The following ANAPC4 variants were observed in gnomAD, a reference collection of about 807,000 sequenced individuals.
The protein encoded by ANAPC4 is anaphase-promoting complex subunit 4.
In ANAPC4, 63 loss-of-function variants were observed where a neutral mutation model predicts 119.8. The ratio of observed to expected loss-of-function variants is 0.53; its 90% CI spans 0.43 to 0.65. The LOEUF (loss-of-function observed/expected upper bound fraction) is 0.65. Ranked by LOEUF, ANAPC4 falls within the 30% of genes least tolerant of loss-of-function variation. ANAPC4 has a pLI of 0.00. For missense variants in ANAPC4, 716 were observed against 945.1 expected, an observed-to-expected ratio of 0.76 and a Z score of 3.18; for synonymous variants, 283 against 318.6, an observed-to-expected ratio of 0.89 and a Z score of 1.19.
chr4:25,414,659 TTA>T lies in ANAPC4; in HGVS notation c.1788_1789del (p.Tyr596Ter), dbSNP rs1476440537. ...TTTTTACTATTCTAGAAGATTCACTTTATAAAATGTGCATCTTAAGGAGACAT... is the reference window on the plus strand; with the variant it reads ...TTTTTACTATTCTAGAAGATTCACTTTAAAATGTGCATCTTAAGGAGACAT... ...LLFTILEDSL[Y>X]KMCILRRHTD... On this transcript the variant is annotated frameshift_variant, in exon 25 of 29. Transcript: ENST00000315368. LOFTEE classifies it high-confidence loss of function. 3 of 1,549,836 alleles carry T rather than the reference TTA, an allele frequency of 1.9e-6. No homozygotes were observed. The highest frequency in any genetic ancestry group is 2.6e-6 in the Non-Finnish European group (3 of 1,139,620).
Position 25,418,409 on chromosome 4 carries a change from A to G in ANAPC4, c.*27A>G. On this transcript the variant is annotated 3_prime_UTR_variant, in exon 29 of 29. Coordinates refer to ENST00000315368, the MANE Select transcript of ANAPC4 (RefSeq NM_013367.3). ...CTAGCTTGCCATTATTGTGTGTGTA[A>G]TTATGGCCAAAAGGACATAGGAGAT... 9 of 1,602,682 alleles carry G rather than the reference A, an allele frequency of 5.6e-6. No individual in the cohort carries two copies. The highest frequency in any genetic ancestry group is 1.7e-4 in the Middle Eastern group (1 of 6,018).
intron 21 of ANAPC4, among the ~76,000 whole-genome samples, chr4:25,411,410 CCTAATGGAACTCA>C (rs2109142728): frequency 6.6e-6 from 1 of 152,276 alleles, no homozygotes; most frequent in South Asian, 2.1e-4. Context: ...TAGCTACAGA[CCTAATGGAACTCA>C]CTATTGAGTT....
chr4:25,397,775 A>G (rs1722740055), intron 16 of ANAPC4, among the ~76,000 whole-genome samples: 1 of 150,538 alleles, frequency 6.6e-6, no homozygotes, highest in Non-Finnish European at 1.5e-5. Flanking sequence ...AAAAAGCTGT[A>G]AAAGCATTAC....
Position 25,377,278 on chromosome 4 carries a change from C to A in ANAPC4, c.-77C>A. The A allele has an allele frequency of 8.9e-7, 1 of 1,118,892 alleles. No homozygotes were observed. The highest frequency in any genetic ancestry group is 1.2e-6 in the Non-Finnish European group (1 of 819,238). 69.3% of individuals were successfully genotyped at this position (1,118,892 alleles called of 1,614,324 possible). Reference sequence around the variant, plus strand: ...GCGGGGCGGCCTGGAGGCTGTGGCGCGCGGCCGGCAGAGGGAGGGGAGAGG... The same window carrying A: ...GCGGGGCGGCCTGGAGGCTGTGGCGAGCGGCCGGCAGAGGGAGGGGAGAGG... On this transcript the variant is annotated 5_prime_UTR_variant, in exon 1 of 29. Transcript: ENST00000315368.
At chr4:25,417,418 G>A (rs545879992) in intron 27 of ANAPC4, 198 bp from the exon 28 acceptor site, 35 of 476,580 alleles carry the variant, frequency 7.3e-5, no homozygotes, top group African/African-American at 5.0e-4. Flanking sequence ...ACTGTGCCTA[G>A]CCAGAATATA....
chr4:25,394,768 T>G, intron 13 of ANAPC4, 55 bp downstream of exon 13: 3 of 1,595,356 alleles, frequency 1.9e-6, no homozygotes, highest in Non-Finnish European at 2.6e-6. Context: ...CTTAATTTTT[T>G]TTTTCGAGTG....
intron 25 of ANAPC4, 25 bp from the exon 26 acceptor site, chr4:25,415,440 CT>C (rs766721339): frequency 1.7e-5 from 27 of 1,591,130 alleles, no homozygotes; most frequent in South Asian, 4.5e-5. Context: ...CACAGAGTCT[CT>C]TTTTTTCCCC....
intron 3 of ANAPC4, 59 bp from the exon 4 acceptor site, chr4:25,383,202 C>A: frequency 6.9e-7 from 1 of 1,447,262 alleles, no homozygotes; most frequent in Admixed American, 2.3e-5. Flanking sequence ...AAGGGAAATA[C>A]CCATTTATTT....
rs1721456252 is a variant in ANAPC4 at position 25,377,348 on chromosome 4, C to T, written c.-11+4C>T. On this transcript the variant is annotated splice_donor_region_variant and intron_variant, in intron 1 of 28. Coordinates refer to ENST00000315368, the MANE Select transcript of ANAPC4 (RefSeq NM_013367.3). ...CTGCCGGTGGGGACTCTTGCAGGTA[C>T]AGGCGCGGTCGGGGCTCCTCGTGGA... 3.8e-6 allele frequency: 6 copies of T among 1,573,756 alleles called. No homozygotes were observed. In the East Asian group the frequency reaches 1.1e-4, roughly 30 times the overall value.
Position 25,402,886 on chromosome 4 carries a change from TATG to T in ANAPC4, c.1215-82_1215-80del, listed in dbSNP as rs539707616. On this transcript the variant is annotated intron_variant, in intron 16 of 28. Transcript: ENST00000315368. Reference sequence around the variant, plus strand: ...TAGGATAAAATAGAACAGTAAGGATTATGATATTTCCTGACAGTTGAGTAGGAT... The same window carrying T: ...TAGGATAAAATAGAACAGTAAGGATTATATTTCCTGACAGTTGAGTAGGAT... The T allele has an allele frequency of 2.8e-4, 203 of 718,300 alleles. No homozygotes were observed. In the African/African-American group the frequency reaches 3.5e-3, roughly 12 times the overall value. 44.5% of individuals were successfully genotyped at this position (718,300 alleles called of 1,614,324 possible). A position where few individuals can be genotyped will look rare whatever the true frequency, so the allele number is the denominator to read the frequency against.
At chr4:25,402,683 C>A (rs1455349378) in intron 16 of ANAPC4, among the ~76,000 whole-genome samples, 3 of 152,124 alleles carry the variant, frequency 2.0e-5, no homozygotes, top group Non-Finnish European at 4.4e-5. Context: ...GGAGTTCATG[C>A]TTTACTGAGT....
intron 16 of ANAPC4, among the ~76,000 whole-genome samples, chr4:25,398,972 C>G (rs991743122): frequency 6.6e-6 from 1 of 150,858 alleles, no homozygotes; most frequent in Non-Finnish European, 1.5e-5. Flanking sequence ...TTTGGACATA[C>G]TAGATTGTTC....
At chr4:25,400,205 A>T (rs1047452540) in intron 16 of ANAPC4, among the ~76,000 whole-genome samples, 4 of 152,144 alleles carry the variant, frequency 2.6e-5, no homozygotes, top group African/African-American at 9.7e-5. Context: ...TCTTGGGAAG[A>T]ACTGGAGCAT....
intron 28 of ANAPC4, 147 bp from the exon 29 acceptor site, chr4:25,418,007 GA>G (rs1413183514): frequency 2.2e-6 from 2 of 904,154 alleles, no homozygotes; most frequent in Non-Finnish European, 3.3e-6. Context: ...TATACAAAAT[GA>G]AGGCTGAATT....
chr4:25,405,633 G>T lies in ANAPC4; in HGVS notation c.1317+14G>T, dbSNP rs777902363. Reference sequence around the variant, plus strand: ...GAGCTGAATAAGGTAGTATGTACTAGTGCATTTTCACAGTGTTCACATTGT... The same window carrying T: ...GAGCTGAATAAGGTAGTATGTACTATTGCATTTTCACAGTGTTCACATTGT... On this transcript the variant is annotated intron_variant, in intron 18 of 28. Transcript: ENST00000315368. The surrounding 1 kb of genome is among the most constrained non-coding windows in gnomAD (Gnocchi z 4.6). The T allele has an allele frequency of 6.2e-7, 1 of 1,612,802 alleles. No individual in the cohort carries two copies.
At chr4:25,396,632 G>A in intron 14 of ANAPC4, 32 bp from the exon 15 acceptor site, 2 of 1,472,898 alleles carry the variant, frequency 1.4e-6, no homozygotes, top group Non-Finnish European at 1.8e-6. Flanking sequence ...TGATCGTCAT[G>A]ATACTAATTT....
intron 16 of ANAPC4, among the ~76,000 whole-genome samples, chr4:25,397,782 T>A (rs1361178500): frequency 1.3e-5 from 2 of 151,654 alleles, no homozygotes; most frequent in African/African-American, 4.8e-5. Flanking sequence ...TGTAAAAGCA[T>A]TACTCTTTAT....
chr4:25,406,984 T>C (rs1054658699), intron 19 of ANAPC4, 99 bp downstream of exon 19: 44 of 1,011,948 alleles, frequency 4.3e-5, no homozygotes, highest in Admixed American at 5.9e-5. Context: ...TTAATTGAAG[T>C]CTATAGCAAT....
intron 16 of ANAPC4, among the ~76,000 whole-genome samples, chr4:25,399,808 A>G (rs754603199): frequency 3.3e-5 from 5 of 152,180 alleles, no homozygotes; most frequent in Non-Finnish European, 7.4e-5. Flanking sequence ...GGACTGGATG[A>G]GGTAATGAGT....
Sources: allele counts gnomAD v4.1 joint callset (sites outside exome capture counted in the v4.1 genomes callset), GRCh38; gene constraint gnomAD v4.1.1; non-coding constraint Gnocchi (gnomAD v3.1); transcripts MANE v1.5; gene names NCBI Gene and HGNC (gene_info 2026-07-23, HGNC 2026-07-21).